Variants in NBEAL1 observed in about 807,000 individuals in gnomAD.
NBEAL1 encodes the protein neurobeachin-like protein 1.
Under a neutral mutation model 351.3 loss-of-function variants are expected in NBEAL1, and 273 were observed. The observed-to-expected ratio is 0.78, with a 90% CI of 0.70 to 0.86. The LOEUF (loss-of-function observed/expected upper bound fraction) is 0.86. NBEAL1 is among the 40% of genes least tolerant of loss of function. NBEAL1 has a pLI of 0.00. For synonymous variants in NBEAL1, 1,050 were observed against 1,086.4 expected (o/e 0.97, Z 0.66); for missense variants, 2,961 against 3,201.3 (o/e 0.92, Z 1.81).
At chr2:203,178,437 GATTAC>G (rs2064592738) in intron 42 of NBEAL1, among the ~76,000 whole-genome samples, 1 of 152,074 alleles carries the variant, frequency 6.6e-6, no homozygotes, top group South Asian at 2.1e-4. Flanking sequence ...AAAGTGCTGG[GATTAC>G]AGGCGTGAGC....
At chr2:203,094,893 A>G (rs1458902132) in intron 10 of NBEAL1, among the ~76,000 whole-genome samples, 1 of 152,188 alleles carries the variant, frequency 6.6e-6, no homozygotes, top group Non-Finnish European at 1.5e-5. Context: ...AGGCCAAGGC[A>G]GGCGGATCAT....
chr2:203,200,621 G>C (rs901943802), intron 49 of NBEAL1, among the ~76,000 whole-genome samples: 3 of 152,124 alleles, frequency 2.0e-5, no homozygotes, highest in African/African-American at 7.2e-5. Context: ...TTGAACCCAG[G>C]AGACAGAGGT....
At chr2:203,162,930 G>C (rs1055953421) in intron 36 of NBEAL1, among the ~76,000 whole-genome samples, 1 of 152,188 alleles carries the variant, frequency 6.6e-6, no homozygotes, top group Non-Finnish European at 1.5e-5. Context: ...GAGGTAGGCG[G>C]ATCACCTGAG....
intron 2 of NBEAL1, among the ~76,000 whole-genome samples, chr2:203,035,016 T>C (rs2061019384): frequency 6.7e-6 from 1 of 149,430 alleles, no homozygotes; most frequent in Non-Finnish European, 1.5e-5. Flanking sequence ...GAGTGAGTAC[T>C]GTAATCCAAA....
At chr2:203,019,076 A>G (rs2105987736) in intron 2 of NBEAL1, among the ~76,000 whole-genome samples, 1 of 152,280 alleles carries the variant, frequency 6.6e-6, no homozygotes, top group East Asian at 1.9e-4. Context: ...TGAAGAAACC[A>G]GATTTTGACC....
chr2:203,043,493 C>A (rs1158300341), intron 3 of NBEAL1, among the ~76,000 whole-genome samples: 1 of 152,040 alleles, frequency 6.6e-6, no homozygotes, highest in Non-Finnish European at 1.5e-5. Context: ...GTAGTCCCAG[C>A]ACTTTGGGAG....
At chr2:203,191,319 G>GAAA (rs200659518) in intron 46 of NBEAL1, 161 of 392,020 alleles carry the variant, frequency 4.1e-4, no homozygotes, top group South Asian at 1.6e-3. Context: ...TTTGACAACT[G>GAAA]AAAAAAAAAA....
At chr2:203,129,373 A>C (rs958530870) in intron 24 of NBEAL1, among the ~76,000 whole-genome samples, 1 of 152,144 alleles carries the variant, frequency 6.6e-6, no homozygotes, top group African/African-American at 2.4e-5. Context: ...TTTGCCCTCT[A>C]TATATAATAT....
rs750175163 is a variant in NBEAL1 at position 203,149,115 on chromosome 2, A to G, written c.5429A>G (p.Tyr1810Cys). The G allele has an allele frequency of 6.2e-7, 1 of 1,605,314 alleles. No homozygotes were observed. Among genetic ancestry groups the G allele is most frequent in the Non-Finnish European group, 8.5e-7 (1 of 1,174,964 alleles). Residue 1810 changes from tyrosine to cysteine, a missense_variant, in exon 34 of 56, where the codon TAT (tyrosine) becomes TGT (cysteine). By Grantham distance (194) the Tyr-to-Cys change is radical (BLOSUM62 -2). Transcript: ENST00000683969. ...AGACGCTGGAAAGCAATACAGCTCT[A>G]TCTTACATGTGAAAGGGGACCTTGG... is the stretch of plus-strand genomic sequence containing the variant. The part of the protein sequence containing the change: ...TLRRWKAIQL[Y>C]LTCERGPWAK...
chr2:203,081,610 ATAAT>A (rs1368729938), intron 8 of NBEAL1, among the ~76,000 whole-genome samples: 1 of 152,224 alleles, frequency 6.6e-6, no homozygotes, highest in African/African-American at 2.4e-5. Flanking sequence ...AAAGTAATAA[ATAAT>A]TCAGAGTTAA....
chr2:203,076,884 GC>G (rs951926882), intron 7 of NBEAL1, among the ~76,000 whole-genome samples: 2 of 151,730 alleles, frequency 1.3e-5, no homozygotes, highest in African/African-American at 4.8e-5. Flanking sequence ...GAGCCACTGC[GC>G]CCAGCCTAGA....
At chr2:203,212,660 G>T (rs1361950748) in intron 54 of NBEAL1, among the ~76,000 whole-genome samples, 1 of 151,042 alleles carries the variant, frequency 6.6e-6, no homozygotes, top group Non-Finnish European at 1.5e-5. Context: ...GTGTACTGTT[G>T]TGAACAGTTT....
At chr2:203,164,308 TCAGGA>T (rs1433849997) in intron 36 of NBEAL1, among the ~76,000 whole-genome samples, 1 of 152,046 alleles carries the variant, frequency 6.6e-6, no homozygotes, top group Non-Finnish European at 1.5e-5. Context: ...GGTGGCATAA[TCAGGA>T]CTTTTACTTG....
intron 35 of NBEAL1, among the ~76,000 whole-genome samples, chr2:203,156,676 G>A (rs761296275): frequency 6.6e-6 from 1 of 152,176 alleles, no homozygotes; most frequent in Non-Finnish European, 1.5e-5. Flanking sequence ...GCAGCTGTAC[G>A]TTACGTTGAT....
chr2:203,144,882 T>C lies in NBEAL1; in HGVS notation c.5131T>C (p.Trp1711Arg), dbSNP rs1405203147. Residue 1711 changes from tryptophan (W) to arginine (R), a missense_variant, in exon 32 of 56, where the codon TGG becomes CGG. Trp to Arg is a moderately radical substitution (Grantham distance 101, BLOSUM62 -3). Transcript: ENST00000683969. ...TCAAGAATATTGTAATTCAAATGAATGGCAAGTTTACATTGAAAAATATGT... is the reference window on the plus strand; with the variant it reads ...TCAAGAATATTGTAATTCAAATGAACGGCAAGTTTACATTGAAAAATATGT... ...DFQEYCNSNE[W>R]QVYIEKYIVP... is the part of the protein sequence containing the mutation. The C allele has an allele frequency of 6.3e-7, 1 of 1,596,910 alleles. No homozygotes were observed. The highest frequency in any genetic ancestry group is 1.8e-5 in the Admixed American group (1 of 56,452).
chr2:203,207,654 A>G (rs1209324383), intron 51 of NBEAL1, among the ~76,000 whole-genome samples: 2 of 152,180 alleles, frequency 1.3e-5, no homozygotes, highest in Non-Finnish European at 2.9e-5. Context: ...GTGTCCACTC[A>G]GGGTTAAATG....
At chr2:203,083,158 T>C in intron 8 of NBEAL1, 61 bp from the exon 9 acceptor site, 1 of 1,396,124 alleles carries the variant, frequency 7.2e-7, no homozygotes. Flanking sequence ...ATTCTCATTA[T>C]TGCAAACATA....
In NBEAL1 at chr2:203,219,513, T is replaced by A. The variant is rs2065932053; in HGVS notation, c.*2159T>A. The A allele has an allele frequency of 6.6e-6, 1 of 151,968 alleles. No homozygotes were observed. The highest frequency in any genetic ancestry group is 2.4e-5 in the African/African-American group (1 of 41,346). The allele number at this position is 151,968 out of a possible 1,614,324, so 9.4% of individuals were successfully genotyped here. On this transcript the variant is annotated 3_prime_UTR_variant, in exon 56 of 56. Coordinates refer to ENST00000683969, the MANE Select transcript of NBEAL1 (RefSeq NM_001378026.1). ...ATCCTACCTGGACTAATACTAGATG[T>A]ACAAGGTAGTGGAATTATTTCTTAT...
intron 55 of NBEAL1, among the ~76,000 whole-genome samples, chr2:203,214,090 T>C (rs1291328637): frequency 6.6e-6 from 1 of 152,260 alleles, no homozygotes; most frequent in Non-Finnish European, 1.5e-5. Flanking sequence ...TTTAGTGTGC[T>C]TATTCTCAGT....
Sources: gnomAD v4.1 joint callset for allele counts (sites outside exome capture counted in the v4.1 genomes callset) on GRCh38, gnomAD v4.1.1 for gene constraint, MANE v1.5 for transcripts, NCBI Gene and HGNC (gene_info 2026-07-23, HGNC 2026-07-21) for gene names.